CDC42BPB: variants seen among roughly 807,000 people sequenced by gnomAD.
CDC42BPB encodes the protein serine/threonine-protein kinase MRCK beta.
A neutral mutation model predicts 214.9 loss-of-function variants in CDC42BPB; 37 were observed. The observed-to-expected ratio is 0.17, with a 90% CI of 0.13 to 0.23. CDC42BPB has a LOEUF of 0.23. Among genes scored for constraint, CDC42BPB ranks in the 10% least tolerant of loss-of-function variants. CDC42BPB has a pLI of 1.00. For synonymous variants in CDC42BPB, 931 were observed against 884.0 expected (o/e 1.05, Z -0.94); for missense variants, 1,694 against 2,227.0 (o/e 0.76, Z 4.82).
chr14:102,972,024 C>A lies in CDC42BPB; in HGVS notation c.1779G>T (p.Lys593Asn). The change falls in exon 13 of 37, where the codon AAG (lysine) becomes AAT (asparagine). Residue 593 changes from lysine to asparagine, a missense_variant. By Grantham distance (94) the Lys-to-Asn change is moderately conservative. This residue lies in a region of CDC42BPB where 462 missense variants were observed against 513.5 expected (regional missense o/e 0.90). Transcript: ENST00000361246. ...RMAELRAQKQ[K>N]VSRQLRDKEE... is the part of the protein sequence containing the mutation. ...CCTTGTCTCGCAGCTGCCGGGACAC[C>A]TTCTGCTTCTGGGCACGGAGCTCTG... The A allele has an allele frequency of 6.2e-7, 1 of 1,614,246 alleles. No homozygotes were observed. The highest frequency in any genetic ancestry group is 8.5e-7 in the Non-Finnish European group (1 of 1,180,032).
In CDC42BPB at chr14:102,932,983, G is replaced by A; in HGVS notation, c.*729C>T. ...GCCCAGCAGGCCACAGGGCCTGCCT[G>A]CACCACGACACTCGCTGGTTTTATG... On this transcript the variant is annotated 3_prime_UTR_variant, in exon 37 of 37. Transcript: ENST00000361246. 1 of 152,256 alleles carries A rather than the reference G, an allele frequency of 6.6e-6. No individual in the cohort carries two copies. The highest frequency in any genetic ancestry group is 1.9e-4 in the East Asian group (1 of 5,188). The allele number at this position is 152,256 out of a possible 1,614,324, so 9.4% of individuals were successfully genotyped here. A position where few individuals can be genotyped will look rare whatever the true frequency, so the allele number is the denominator to read the frequency against.
intron 1 of CDC42BPB, among the ~76,000 whole-genome samples, chr14:103,037,131 A>G (rs569542004): frequency 6.6e-6 from 1 of 152,316 alleles, no homozygotes; most frequent in African/African-American, 2.4e-5. Context: ...AATGTTTAAA[A>G]CAATCTTTCA....
rs1329400724 is a variant in CDC42BPB, at chr14:102,980,773, C to T, written c.1140G>A (p.Thr380=). The change falls in exon 8 of 37, where the codon ACG becomes ACA. Residue 380 remains threonine (T), a splice_region_variant and synonymous_variant. Transcript: ENST00000361246. ...FDVDDDVLRN[T]EILPPGSHTG... The stretch of plus-strand genomic sequence containing the variant: ...CTGAGAACGGTGCTTTCACACTCAC[C>T]GTGTTTCTCAGCACGTCGTCATCCA... The T allele has an allele frequency of 5.6e-6, 9 of 1,613,822 alleles. No individual in the cohort carries two copies. Among genetic ancestry groups the T allele is most frequent in the East Asian group, 2.2e-5 (1 of 44,896 alleles).
intron 6 of CDC42BPB, 81 bp from the exon 7 acceptor site, chr14:102,983,837 C>T (rs1894117238): frequency 5.3e-6 from 8 of 1,503,678 alleles, no homozygotes; most frequent in Middle Eastern, 1.8e-4. Context: ...TAAAATATAG[C>T]GGAGGCAGAA....
chr14:102,940,550 A>T, intron 30 of CDC42BPB: 1 of 1,266,830 alleles, frequency 7.9e-7, no homozygotes. Flanking sequence ...TCACTTCCGT[A>T]ACTAATATTT....
chr14:103,053,342 G>A (rs1407398705), intron 1 of CDC42BPB, among the ~76,000 whole-genome samples: 5 of 150,620 alleles, frequency 3.3e-5, no homozygotes, highest in East Asian at 2.0e-4. Context: ...GTGAGACTCC[G>A]TCTCAAAAAA....
At chr14:103,046,680 GTC>G (rs907190419) in intron 1 of CDC42BPB, among the ~76,000 whole-genome samples, 3 of 152,040 alleles carry the variant, frequency 2.0e-5, no homozygotes, top group African/African-American at 7.2e-5. Context: ...TTTGGAGACA[GTC>G]TCTCTCTGTC....
chr14:103,003,308 G>A (rs895673219), intron 4 of CDC42BPB, among the ~76,000 whole-genome samples: 2 of 152,238 alleles, frequency 1.3e-5, no homozygotes, highest in Non-Finnish European at 2.9e-5. Context: ...CCAAGACCAA[G>A]GGCTGGTTTC....
intron 2 of CDC42BPB, among the ~76,000 whole-genome samples, chr14:103,009,360 G>A (rs1370483979): frequency 1.3e-5 from 2 of 152,130 alleles, no homozygotes; most frequent in East Asian, 1.9e-4. Context: ...CCGCGCATCC[G>A]CACCCCCACT....
chr14:102,948,096 C>T (rs570468112), intron 26 of CDC42BPB: 91 of 334,016 alleles, frequency 2.7e-4, no homozygotes, highest in African/African-American at 2.3e-3. Context: ...GCACTTGGCA[C>T]AGCCAGGCAG....
intron 20 of CDC42BPB, among the ~76,000 whole-genome samples, chr14:102,960,366 CAGCACTTTG>C (rs2139428583): frequency 6.6e-6 from 1 of 152,204 alleles, no homozygotes; most frequent in East Asian, 1.9e-4. Context: ...CCTGTCATCC[CAGCACTTTG>C]GGAGGCCAAG....
rs1190204656 is a variant in CDC42BPB, at chr14:102,954,244, G to A, written c.3020C>T (p.Ala1007Val). The A allele has an allele frequency of 6.5e-7, 1 of 1,543,106 alleles. No individual in the cohort carries two copies. The highest frequency in any genetic ancestry group is 2.1e-5 in the Admixed American group (1 of 48,516). The change falls in exon 23 of 37, where the codon GCT (alanine) becomes GTT (valine). Residue 1007 changes from alanine (A) to valine (V), a missense_variant. By Grantham distance (64) the Ala-to-Val change is moderately conservative. Around this residue, in one of 7 missense-constraint regions of CDC42BPB, gnomAD observed 156 missense variants for 154.5 expected, o/e 1.01. Coordinates refer to ENST00000361246, the MANE Select transcript of CDC42BPB (RefSeq NM_006035.4). Reference protein sequence around the residue: ...DMARPPQRPSAVPLPTTQALA... With the variant: ...DMARPPQRPSVVPLPTTQALA... Reference sequence around the variant, plus strand: ...GGCCTGCGTGGTGGGCAACGGCACAGCGGATGGCCTCTGCGGGGGCCGAGC... The same window carrying A: ...GGCCTGCGTGGTGGGCAACGGCACAACGGATGGCCTCTGCGGGGGCCGAGC...
At chr14:103,028,134 A>G (rs1291365476) in intron 1 of CDC42BPB, among the ~76,000 whole-genome samples, 2 of 152,236 alleles carry the variant, frequency 1.3e-5, no homozygotes, top group African/African-American at 4.8e-5. Context: ...CTTCTCAAAA[A>G]TAAGTAAATA....
At chr14:102,941,179 G>A (rs963625130) in intron 30 of CDC42BPB, 1 of 985,332 alleles carries the variant, frequency 1.0e-6, no homozygotes, top group East Asian at 1.1e-4. Context: ...GCGTAGCTTG[G>A]CTCCTGGCCA....
intron 1 of CDC42BPB, chr14:103,041,986 T>C (rs1234715961): frequency 3.1e-6 from 1 of 325,056 alleles, no homozygotes; most frequent in African/African-American, 2.2e-5. Context: ...GGAGAAGAAT[T>C]TCAAAGCCTT....
intron 12 of CDC42BPB, 78 bp downstream of exon 12, chr14:102,973,938 C>T (rs1893606657): frequency 1.3e-6 from 2 of 1,491,916 alleles, no homozygotes; most frequent in South Asian, 2.7e-5. Context: ...AGAGGTCTTC[C>T]ATCATCGGCA....
chr14:102,947,191 T>TA (rs1052102417), intron 27 of CDC42BPB, among the ~76,000 whole-genome samples: 1 of 152,172 alleles, frequency 6.6e-6, no homozygotes, highest in Non-Finnish European at 1.5e-5. Context: ...TTTATAGACT[T>TA]AGTTTTGTTA....
chr14:102,945,752 A>C, intron 28 of CDC42BPB, 28 bp from the exon 29 acceptor site: 2 of 1,607,128 alleles, frequency 1.2e-6, no homozygotes, highest in Non-Finnish European at 1.7e-6. Flanking sequence ...ACATACACAA[A>C]GTCAGTACAG....
At chr14:102,983,965 G>C in intron 6 of CDC42BPB, 1 of 890,088 alleles carries the variant, frequency 1.1e-6, no homozygotes, top group Non-Finnish European at 1.3e-6. Flanking sequence ...TGAGGCCGGA[G>C]AACCGCTTGA....
Sources: allele counts gnomAD v4.1 joint callset (sites outside exome capture counted in the v4.1 genomes callset), GRCh38; gene constraint gnomAD v4.1.1; regional missense constraint gnomAD v4.1.1; transcripts MANE v1.5; gene names NCBI Gene and HGNC (gene_info 2026-07-23, HGNC 2026-07-21).